Variants in WDR72 observed in about 807,000 individuals in gnomAD.
The protein encoded by WDR72 is WD repeat-containing protein 72.
Under a neutral mutation model 124.2 loss-of-function variants are expected in WDR72, and 120 were observed. The ratio of observed to expected loss-of-function variants is 0.97; its 90% CI spans 0.83 to 1.12. The LOEUF is 1.12. Ranked by LOEUF, WDR72 falls within the 50% of genes most tolerant of loss-of-function variation. The pLI, the probability that WDR72 is intolerant of heterozygous loss-of-function variation, is 0.00. For missense variants in WDR72, 1,387 were observed against 1,278.8 expected (o/e 1.08, Z -1.29); for synonymous variants, 452 against 441.7 (o/e 1.02, Z -0.29).
intron 14 of WDR72, among the ~76,000 whole-genome samples, chr15:53,633,340 G>GCC (rs1326039645): frequency 6.6e-6 from 1 of 152,082 alleles, no homozygotes; most frequent in Non-Finnish European, 1.5e-5. Context: ...TTCACCTTCT[G>GCC]CCATGATTAA....
chr15:53,613,520 C>A, intron 16 of WDR72, 146 bp downstream of exon 16: 2 of 633,136 alleles, frequency 3.2e-6, no homozygotes, highest in South Asian at 1.9e-5. Flanking sequence ...TAAAGCCACA[C>A]AGCTAGTGTA....
At chr15:53,591,802 T>C (rs960157603) in intron 18 of WDR72, among the ~76,000 whole-genome samples, 1 of 147,308 alleles carries the variant, frequency 6.8e-6, no homozygotes, top group African/African-American at 2.4e-5. Context: ...AAGCTTGCAT[T>C]ATTCTTATTG....
chr15:53,704,816 TA>T (rs35150329), intron 11 of WDR72, among the ~76,000 whole-genome samples, 171 bp downstream of exon 11: 2,266 of 136,130 alleles, frequency 0.017, 24 homozygotes, highest in South Asian at 0.048. Flanking sequence ...ACAGGGAGTT[TA>T]AAAAAAAAAA....
chr15:53,743,091 T>C (rs922777120), intron 1 of WDR72, among the ~76,000 whole-genome samples: 41 of 152,076 alleles, frequency 2.7e-4, no homozygotes, highest in African/African-American at 9.7e-4. Context: ...AAAAAAACAA[T>C]GTAAATGAAT....
At chr15:53,607,746 G>A (rs2013349386) in intron 17 of WDR72, among the ~76,000 whole-genome samples, 1 of 152,040 alleles carries the variant, frequency 6.6e-6, no homozygotes, top group South Asian at 2.1e-4. Context: ...GAAAATATTT[G>A]CAAACTACCC....
chr15:53,732,488 T>A (rs502673), intron 2 of WDR72, among the ~76,000 whole-genome samples: 3 of 152,290 alleles, frequency 2.0e-5, no homozygotes, highest in Non-Finnish European at 4.4e-5. Flanking sequence ...AATAGAAGGA[T>A]GACAATAGTA....
intron 14 of WDR72, among the ~76,000 whole-genome samples, chr15:53,621,321 T>C (rs896663020): frequency 3.3e-5 from 5 of 151,520 alleles, no homozygotes; most frequent in African/African-American, 1.2e-4. Flanking sequence ...TAAGTCATTA[T>C]ATGAAAAAAA....
At chr15:53,596,818 A>T (rs117155151) in intron 18 of WDR72, among the ~76,000 whole-genome samples, 19 of 152,286 alleles carry the variant, frequency 1.2e-4, no homozygotes, top group Non-Finnish European at 2.4e-4. Flanking sequence ...CTGTGAACTT[A>T]CATTTTCAAT....
chr15:53,647,582 C>T (rs1023517811), intron 14 of WDR72, among the ~76,000 whole-genome samples: 6 of 152,006 alleles, frequency 3.9e-5, no homozygotes, highest in Admixed American at 2.6e-4. Flanking sequence ...CCTCAGTCAT[C>T]GGTATTTTTA....
intron 18 of WDR72, among the ~76,000 whole-genome samples, chr15:53,536,722 G>C (rs1330529352): frequency 6.6e-6 from 1 of 152,168 alleles, no homozygotes; most frequent in East Asian, 1.9e-4. Flanking sequence ...TAACGGCATT[G>C]AAGCTAAAAG....
At chr15:53,667,264 G>A (rs994168013) in intron 13 of WDR72, among the ~76,000 whole-genome samples, 4 of 152,098 alleles carry the variant, frequency 2.6e-5, no homozygotes, top group African/African-American at 9.7e-5. Flanking sequence ...TAAGGCAGGA[G>A]GATCTCTTGA....
At chr15:53,645,839 A>T (rs753688392) in intron 14 of WDR72, among the ~76,000 whole-genome samples, 5 of 152,188 alleles carry the variant, frequency 3.3e-5, no homozygotes, top group Admixed American at 6.6e-5. Flanking sequence ...AAATTGCTAG[A>T]TTAACCTTAA....
intron 14 of WDR72, among the ~76,000 whole-genome samples, chr15:53,655,230 CAAAAAAAAAAAAA>C (rs531072099): frequency 0.017 from 908 of 54,620 alleles, 13 homozygotes; most frequent in African/African-American, 0.058. Flanking sequence ...GATGCCATCT[CAAAAAAAAAAAAA>C]AAAAAAAAAA....
rs1307507890 is a variant in WDR72 at position 53,516,013 on chromosome 15, C to G, written c.*1686G>C. 1 of 152,086 alleles carries G rather than the reference C, an allele frequency of 6.6e-6. No individual in the cohort carries two copies. The highest frequency in any genetic ancestry group is 1.9e-4 in the East Asian group (1 of 5,188). 9.4% of individuals were successfully genotyped at this position (152,086 alleles called of 1,614,324 possible). A position where few individuals can be genotyped will look rare whatever the true frequency, so the allele number is the denominator to read the frequency against. On this transcript the variant is annotated 3_prime_UTR_variant, in exon 20 of 20. Transcript: ENST00000360509. ...AATGTCCTTGACAACTGGTATACAACAAGCAAGAAAATATAATCCATCGCC... is the reference window on the plus strand; with the variant it reads ...AATGTCCTTGACAACTGGTATACAAGAAGCAAGAAAATATAATCCATCGCC...
intron 3 of WDR72, among the ~76,000 whole-genome samples, chr15:53,721,633 G>A (rs2017879067): frequency 6.6e-6 from 1 of 152,110 alleles, no homozygotes; most frequent in African/African-American, 2.4e-5. Context: ...CAACTAGCCA[G>A]CATATTAAAC....
intron 14 of WDR72, among the ~76,000 whole-genome samples, chr15:53,653,122 T>C (rs557296789): frequency 6.6e-6 from 1 of 151,708 alleles, no homozygotes; most frequent in Non-Finnish European, 1.5e-5. Flanking sequence ...GTCATTTATA[T>C]TTTTTTCTCT....
At chr15:53,635,115 T>C (rs1030694365) in intron 14 of WDR72, among the ~76,000 whole-genome samples, 6 of 152,206 alleles carry the variant, frequency 3.9e-5, no homozygotes, top group South Asian at 2.1e-4. Flanking sequence ...ATGCTGACTT[T>C]AACTTCTTTC....
chr15:53,607,426 A>G (rs966988961), intron 17 of WDR72, among the ~76,000 whole-genome samples: 1 of 152,200 alleles, frequency 6.6e-6, no homozygotes, highest in Non-Finnish European at 1.5e-5. Context: ...CATTGGGGAA[A>G]AGACAGTCTC....
chr15:53,732,850 A>G (rs2018240723), intron 2 of WDR72, 147 bp downstream of exon 2: 1 of 976,944 alleles, frequency 1.0e-6, no homozygotes, highest in Admixed American at 2.0e-5. Context: ...TTATTTTCTC[A>G]AAATTCAGAA....
Sources: gnomAD v4.1 joint callset for allele counts (sites outside exome capture counted in the v4.1 genomes callset) on GRCh38, gnomAD v4.1.1 for gene constraint, MANE v1.5 for transcripts, NCBI Gene and HGNC (gene_info 2026-07-23, HGNC 2026-07-21) for gene names.